Variants in PDE8A observed in about 807,000 individuals in gnomAD.
PDE8A encodes the protein phosphodiesterase 8A.
PDE8A carries 59 observed loss-of-function variants against 105.0 expected under a neutral mutation model. The observed-to-expected ratio is 0.56, with a 90% CI of 0.46 to 0.70. The LOEUF (loss-of-function observed/expected upper bound fraction) is 0.70. PDE8A is among the 30% of genes least tolerant of loss of function. The pLI is 0.00. For missense variants in PDE8A, 1,014 were observed against 1,045.9 expected (o/e 0.97, Z 0.42); for synonymous variants, 355 against 371.9 (o/e 0.95, Z 0.52).
intron 3 of PDE8A, among the ~76,000 whole-genome samples, chr15:85,069,552 C>G (rs1233392088): frequency 2.0e-5 from 3 of 152,118 alleles, no homozygotes; most frequent in African/African-American, 7.2e-5. Flanking sequence ...TGAGTGGCTC[C>G]TAACAGATCC....
intron 2 of PDE8A, 68 bp from the exon 3 acceptor site, chr15:85,066,946 A>T (rs2081239021): frequency 7.9e-7 from 1 of 1,259,556 alleles, no homozygotes; most frequent in South Asian, 1.4e-5. Context: ...CTCAAGAAAA[A>T]AAAAGTGTAA....
intron 6 of PDE8A, among the ~76,000 whole-genome samples, chr15:85,087,448 C>T (rs887303151): frequency 6.6e-6 from 1 of 152,230 alleles, no homozygotes; most frequent in Non-Finnish European, 1.5e-5. Flanking sequence ...GATCTGCCTA[C>T]TTCTGCCTCC....
chr15:85,060,117 G>C (rs1567256769), intron 1 of PDE8A, among the ~76,000 whole-genome samples: 1 of 152,072 alleles, frequency 6.6e-6, no homozygotes, highest in Non-Finnish European at 1.5e-5. Flanking sequence ...TTTAATTACT[G>C]TCTTCTTTTG....
chr15:85,074,275 AT>A (rs1382794094), intron 3 of PDE8A, among the ~76,000 whole-genome samples: 1 of 152,194 alleles, frequency 6.6e-6, no homozygotes, highest in East Asian at 1.9e-4. Context: ...TTGCCCATTC[AT>A]TTGTGTATTA....
chr15:85,015,020 C>A lies in PDE8A; in HGVS notation c.186+32672C>A, dbSNP rs75172161. Reference sequence around the variant, plus strand: ...AATGAACGTTTGATTTAAGTAAAATCATATAATTTCTGGCCTTTGTGTCTG... The same window carrying A: ...AATGAACGTTTGATTTAAGTAAAATAATATAATTTCTGGCCTTTGTGTCTG... On this transcript the variant is annotated intron_variant, in intron 1 of 21. Transcript: ENST00000394553. Among the ~76,000 whole-genome samples the A allele has an allele frequency of 8.9e-4, 136 of 152,172 alleles. 3 individuals are homozygous for A. In the East Asian group the frequency reaches 0.025, roughly 27 times the overall value.
At chr15:85,025,190 AGTC>A (rs1164512895) in intron 1 of PDE8A, among the ~76,000 whole-genome samples, 2 of 152,072 alleles carry the variant, frequency 1.3e-5, no homozygotes, top group Non-Finnish European at 1.5e-5. Context: ...GTTTTTTTGA[AGTC>A]ACCTGAATTT....
At chr15:85,054,598 T>TAGATATTTCTA (rs2081030221) in intron 1 of PDE8A, among the ~76,000 whole-genome samples, 1 of 152,234 alleles carries the variant, frequency 6.6e-6, no homozygotes, top group Non-Finnish European at 1.5e-5. Flanking sequence ...CTAGTTTATT[T>TAGATATTTCTA]GTGTAGAGGT....
At chr15:85,047,433 G>T (rs2080904078) in intron 1 of PDE8A, among the ~76,000 whole-genome samples, 1 of 152,128 alleles carries the variant, frequency 6.6e-6, no homozygotes, top group Admixed American at 6.5e-5. Flanking sequence ...CGGCTGTTAG[G>T]AGACTCTGCT....
chr15:85,100,021 T>C lies in PDE8A; in HGVS notation c.948T>C (p.Ile316=). Residue 316 remains isoleucine (I), a synonymous_variant, in exon 10 of 22, where the codon ATT becomes ATC. Coordinates refer to ENST00000394553, the MANE Select transcript of PDE8A (RefSeq NM_002605.3). ...CATTGTTTTTTACTTGCAGAAAAAT[T>C]AGACACTATGTGTCCATTATCAGAG... ...IIPVIGQGGK[I]RHYVSIIRVC... The C allele has an allele frequency of 6.2e-7, 1 of 1,610,394 alleles. No individual in the cohort carries two copies. The highest frequency in any genetic ancestry group is 8.5e-7 in the Non-Finnish European group (1 of 1,178,334).
At chr15:85,037,322 C>T (rs1211668267) in intron 1 of PDE8A, among the ~76,000 whole-genome samples, 1 of 152,204 alleles carries the variant, frequency 6.6e-6, no homozygotes, top group African/African-American at 2.4e-5. Flanking sequence ...GCCTCTGCCT[C>T]CCGAAGTGCT....
intron 3 of PDE8A, among the ~76,000 whole-genome samples, chr15:85,070,410 G>GACAAGA (rs2081293549): frequency 6.6e-6 from 1 of 152,136 alleles, no homozygotes; most frequent in African/African-American, 2.4e-5. Flanking sequence ...TGTCTCTGAG[G>GACAAGA]AGCTAATACT....
intron 1 of PDE8A, among the ~76,000 whole-genome samples, chr15:85,024,608 T>G (rs771171147): frequency 2.1e-4 from 32 of 152,156 alleles, no homozygotes; most frequent in Non-Finnish European, 4.3e-4. Context: ...TTACATTAAC[T>G]TCCCTTTTGC....
chr15:84,982,431 TC>T (rs559135081), intron 1 of PDE8A, 83 bp downstream of exon 1: 36 of 869,516 alleles, frequency 4.1e-5, no homozygotes, highest in Non-Finnish European at 5.1e-5. Flanking sequence ...CCGGGCGGGG[TC>T]CCCCCCACCC....
At chr15:85,003,745 G>A (rs577774878) in intron 1 of PDE8A, among the ~76,000 whole-genome samples, 1 of 152,094 alleles carries the variant, frequency 6.6e-6, no homozygotes, top group African/African-American at 2.4e-5. Context: ...CCCAGTTGAC[G>A]TTCTCCCTTA....
intron 7 of PDE8A, among the ~76,000 whole-genome samples, chr15:85,090,372 C>T (rs1009245654): frequency 6.6e-6 from 1 of 152,086 alleles, no homozygotes; most frequent in Admixed American, 6.5e-5. Flanking sequence ...GAAAATGGAC[C>T]CTGACAGATA....
chr15:85,033,938 G>T (rs1056316592), intron 1 of PDE8A, among the ~76,000 whole-genome samples: 4 of 152,186 alleles, frequency 2.6e-5, no homozygotes, highest in Non-Finnish European at 4.4e-5. Flanking sequence ...AAGTTTTGTA[G>T]TACAAATCAA....
intron 9 of PDE8A, among the ~76,000 whole-genome samples, chr15:85,099,596 C>T (rs1395005041): frequency 1.3e-5 from 2 of 152,192 alleles, no homozygotes; most frequent in Admixed American, 1.3e-4. Context: ...TCAGTGTGAA[C>T]CTCAACTCCC....
At chr15:85,119,320 T>C (rs992672235) in intron 17 of PDE8A, among the ~76,000 whole-genome samples, 2 of 151,476 alleles carry the variant, frequency 1.3e-5, no homozygotes, top group Non-Finnish European at 2.9e-5. Context: ...AATAGAAAAA[T>C]TAGCTGGGCA....
At chr15:85,074,913 A>G (rs1013502047) in intron 3 of PDE8A, among the ~76,000 whole-genome samples, 4 of 152,146 alleles carry the variant, frequency 2.6e-5, no homozygotes, top group African/African-American at 9.7e-5. Flanking sequence ...TGACTTGACT[A>G]GGGCAGTCTG....
Sources: allele counts gnomAD v4.1 joint callset (sites outside exome capture counted in the v4.1 genomes callset), GRCh38; gene constraint gnomAD v4.1.1; transcripts MANE v1.5; gene names NCBI Gene and HGNC (gene_info 2026-07-23, HGNC 2026-07-21).